The following WDR41 variants were observed in gnomAD, a reference collection of about 807,000 sequenced individuals.
WDR41 encodes the protein WD repeat-containing protein 41.
WDR41 carries 63 observed loss-of-function variants against 69.3 expected under a neutral mutation model. The ratio of observed to expected loss-of-function variants is 0.91; its 90% CI spans 0.74 to 1.12. WDR41 has a LOEUF of 1.12. Among genes scored for constraint, WDR41 ranks in the 50% most tolerant of loss-of-function variants. WDR41 has a pLI of 0.00. For synonymous variants in WDR41, 185 were observed against 192.1 expected (o/e 0.96, Z 0.31); for missense variants, 543 against 534.5 (o/e 1.02, Z -0.16).
intron 5 of WDR41, among the ~76,000 whole-genome samples, chr5:77,455,801 T>G (rs1799806849): frequency 6.6e-6 from 1 of 152,196 alleles, no homozygotes; most frequent in African/African-American, 2.4e-5. Flanking sequence ...GTTCCATTGA[T>G]CTGCATGTCT....
intron 2 of WDR41, among the ~76,000 whole-genome samples, chr5:77,467,246 A>G (rs1199054374): frequency 5.9e-5 from 9 of 152,014 alleles, no homozygotes; most frequent in Non-Finnish European, 1.2e-4. Context: ...TTTTAAAAAC[A>G]TTCTAAAGTA....
upstream of WDR41, chr5:77,492,536 C>A (rs529969403): frequency 2.0e-5 from 7 of 346,014 alleles, no homozygotes; most frequent in Non-Finnish European, 3.1e-5. Context: ...CGCCGGGTAG[C>A]GCACGGAGCT....
intron 1 of WDR41, among the ~76,000 whole-genome samples, chr5:77,497,650 A>G (rs1801953560): frequency 6.7e-6 from 1 of 148,928 alleles, no homozygotes; most frequent in Non-Finnish European, 1.5e-5. Context: ...TCGTTAATAG[A>G]AATGTAAAAT....
chr5:77,492,445 T>G, upstream of WDR41: 1 of 487,278 alleles, frequency 2.1e-6, no homozygotes, highest in Non-Finnish European at 3.4e-6. Context: ...GGCAGTCGCT[T>G]GGGGTGCGGC....
intron 4 of WDR41, among the ~76,000 whole-genome samples, chr5:77,459,456 A>C (rs183444857): frequency 2.3e-3 from 349 of 152,242 alleles, no homozygotes; most frequent in Admixed American, 4.3e-3. Flanking sequence ...AGCCCACCAT[A>C]ATCTAATAAG....
intron 1 of WDR41, among the ~76,000 whole-genome samples, chr5:77,617,393 T>G: frequency 6.6e-6 from 1 of 151,040 alleles, no homozygotes; most frequent in Non-Finnish European, 1.5e-5. Flanking sequence ...TCTACACACA[T>G]ACACACACAC....
chr5:77,544,327 C>T (rs1200984191), intron 1 of WDR41, among the ~76,000 whole-genome samples: 1 of 152,058 alleles, frequency 6.6e-6, no homozygotes, highest in Non-Finnish European at 1.5e-5. Flanking sequence ...CATCTCAATA[C>T]TAACATTGAA....
upstream of WDR41, among the ~76,000 whole-genome samples, chr5:77,493,973 G>T (rs371135979): frequency 7.0e-4 from 106 of 151,448 alleles, no homozygotes; most frequent in South Asian, 4.6e-3. Context: ...TTTTTTACAA[G>T]ATTAGTATAT....
intron 1 of WDR41, among the ~76,000 whole-genome samples, chr5:77,552,370 G>A (rs1236306759): frequency 6.6e-6 from 1 of 152,122 alleles, no homozygotes; most frequent in African/African-American, 2.4e-5. Flanking sequence ...ACAAAATGCT[G>A]ATTTTGTGAA....
chr5:77,448,436 G>A (rs1799472390), intron 8 of WDR41, among the ~76,000 whole-genome samples: 1 of 152,138 alleles, frequency 6.6e-6, no homozygotes, highest in Non-Finnish European at 1.5e-5. Context: ...GGCTATTTGG[G>A]AGGAAGATTT....
chr5:77,538,259 G>A (rs952817970), intron 1 of WDR41, among the ~76,000 whole-genome samples: 4 of 152,078 alleles, frequency 2.6e-5, no homozygotes, highest in African/African-American at 7.3e-5. Flanking sequence ...TACCCATGTC[G>A]CTGCAAAAGA....
intron 12 of WDR41, among the ~76,000 whole-genome samples, chr5:77,434,181 G>A (rs2151281748): frequency 1.3e-5 from 2 of 151,808 alleles, no homozygotes; most frequent in African/African-American, 4.8e-5. Context: ...AAATTAGCTG[G>A]GTATCTGTAA....
At chr5:77,553,743 C>T (rs1743339755) in intron 1 of WDR41, among the ~76,000 whole-genome samples, 1 of 152,004 alleles carries the variant, frequency 6.6e-6, no homozygotes, top group South Asian at 2.1e-4. Context: ...AATGAGATAC[C>T]ACTACACACA....
At chr5:77,544,412 G>A (rs1330550841) in intron 1 of WDR41, among the ~76,000 whole-genome samples, 1 of 151,966 alleles carries the variant, frequency 6.6e-6, no homozygotes, top group East Asian at 1.9e-4. Flanking sequence ...CCATCTGCTG[G>A]CTTCAAGAGA....
rs1215204117 is a variant in WDR41, at chr5:77,485,188, G to A, written c.167+4269C>T. On this transcript the variant is annotated intron_variant, in intron 2 of 12. Coordinates refer to ENST00000296679, the MANE Select transcript of WDR41 (RefSeq NM_018268.4). The stretch of plus-strand genomic sequence containing the variant: ...CTTATAAACCTATTGCATGCTTAGT[G>A]TCTCCATTTTAGTGTCTCCTTCCCA... 3.3e-5 allele frequency among the ~76,000 whole-genome samples: 5 copies of A among 152,060 alleles called. No homozygotes were observed. The South Asian group carries it at 1.0e-3, about 32-fold the overall frequency.
At chr5:77,553,748 C>A (rs965718084) in intron 1 of WDR41, among the ~76,000 whole-genome samples, 1 of 152,184 alleles carries the variant, frequency 6.6e-6, no homozygotes, top group Non-Finnish European at 1.5e-5. Context: ...GATACCACTA[C>A]ACACATATCA....
intron 1 of WDR41, among the ~76,000 whole-genome samples, chr5:77,521,018 C>T (rs1248104870): frequency 6.6e-6 from 1 of 152,140 alleles, no homozygotes; most frequent in East Asian, 1.9e-4. Flanking sequence ...GCCTATATGC[C>T]AGGAGACTGG....
At chr5:77,469,195 G>A (rs1230570234) in intron 2 of WDR41, among the ~76,000 whole-genome samples, 1 of 151,750 alleles carries the variant, frequency 6.6e-6, no homozygotes, top group African/African-American at 2.4e-5. Flanking sequence ...TGAAGAATGA[G>A]AACACTTGGA....
intron 7 of WDR41, 103 bp from the exon 8 acceptor site, chr5:77,449,973 C>T (rs1321206689): frequency 1.3e-6 from 1 of 766,374 alleles, no homozygotes; most frequent in Non-Finnish European, 2.1e-6. Flanking sequence ...AAATACCTAC[C>T]ATACTGAAAA....
Sources: allele counts gnomAD v4.1 joint callset (sites outside exome capture counted in the v4.1 genomes callset), GRCh38; gene constraint gnomAD v4.1.1; transcripts MANE v1.5; gene names NCBI Gene and HGNC (gene_info 2026-07-23, HGNC 2026-07-21).